SGCD: variants seen among roughly 807,000 people sequenced by gnomAD.
The protein encoded by SGCD is delta-sarcoglycan.
SGCD carries 18 observed loss-of-function variants against 36.6 expected under a neutral mutation model. The ratio of observed to expected loss-of-function variants is 0.49; its 90% confidence interval spans 0.34 to 0.73. The LOEUF is 0.73. Ranked by LOEUF, SGCD falls within the 30% of genes least tolerant of loss-of-function variation. SGCD has a pLI of 0.01. For synonymous variants in SGCD, 133 were observed against 130.6 expected (o/e 1.02, Z -0.12); for missense variants, 387 against 346.7 (o/e 1.12, Z -0.92).
In SGCD at chr5:156,275,311, C is replaced by G. The variant is rs147055878; in HGVS notation, c.-43-54223C>G. On this transcript the variant is annotated intron_variant, in intron 3 of 9. Coordinates refer to the SGCD transcript ENST00000517913. ...ACCACATGGGGTATAGAAGAAAATG[C>G]CAGGATTTCTATGTATGATGATTTT... Among the ~76,000 whole-genome samples, 367 of 152,034 alleles carry G rather than the reference C, an allele frequency of 2.4e-3. 2 individuals carry two copies. The highest frequency in any genetic ancestry group is 8.4e-3 in the African/African-American group (350 of 41,496).
At chr5:155,882,801 C>T (rs1477408651) in intron 1 of SGCD, among the ~76,000 whole-genome samples, 1 of 152,180 alleles carries the variant, frequency 6.6e-6, no homozygotes, top group African/African-American at 2.4e-5. Context: ...CCATTGGCTT[C>T]AACTTGAAGT....
At chr5:155,927,178 T>C (rs1757010271) in intron 1 of SGCD, among the ~76,000 whole-genome samples, 1 of 152,200 alleles carries the variant, frequency 6.6e-6, no homozygotes. Context: ...CTAACGGTCA[T>C]AGAGATGATT....
chr5:156,749,960 T>A (rs1757090250), intron 7 of SGCD, among the ~76,000 whole-genome samples: 1 of 149,654 alleles, frequency 6.7e-6, no homozygotes, highest in African/African-American at 2.4e-5. Context: ...CAGATGCAAA[T>A]TACCAAAAAA....
intron 1 of SGCD, among the ~76,000 whole-genome samples, chr5:155,888,744 G>A (rs1335466247): frequency 6.6e-6 from 1 of 152,232 alleles, no homozygotes; most frequent in Non-Finnish European, 1.5e-5. Context: ...TCTTGAATGA[G>A]CTCCTTAGAG....
the SGCD span, among the ~76,000 whole-genome samples, chr5:155,859,875 C>G: frequency 6.6e-6 from 1 of 152,284 alleles, no homozygotes; most frequent in Non-Finnish European, 1.5e-5. Flanking sequence ...TGAATCCTTA[C>G]CCTCCAAATC....
intron 3 of SGCD, among the ~76,000 whole-genome samples, chr5:156,389,689 T>A (rs1489262986): frequency 6.6e-6 from 1 of 152,130 alleles, no homozygotes; most frequent in Non-Finnish European, 1.5e-5. Context: ...TGTGGCCTCA[T>A]TCCTAACGGG....
At chr5:156,341,574 A>G (rs1333877715) in intron 2 of SGCD, among the ~76,000 whole-genome samples, 2 of 152,188 alleles carry the variant, frequency 1.3e-5, no homozygotes, top group African/African-American at 4.8e-5. Context: ...GTTGAGTGGC[A>G]TTATTCTAGA....
intron 3 of SGCD, among the ~76,000 whole-genome samples, chr5:156,482,141 G>A (rs746514950): frequency 7.2e-5 from 11 of 152,128 alleles, no homozygotes; most frequent in South Asian, 2.1e-4. Flanking sequence ...GAGCCAAGGC[G>A]GAACCCAAGG....
intron 3 of SGCD, among the ~76,000 whole-genome samples, chr5:156,346,954 C>A (rs1046316610): frequency 2.0e-5 from 3 of 151,844 alleles, no homozygotes; most frequent in Admixed American, 1.3e-4. Context: ...CGCACCACCA[C>A]GCCCAGCTAA....
At chr5:155,982,107 G>C (rs1758240505) in intron 1 of SGCD, among the ~76,000 whole-genome samples, 1 of 152,014 alleles carries the variant, frequency 6.6e-6, no homozygotes, top group Non-Finnish European at 1.5e-5. Context: ...TTAAATTATT[G>C]GCCTGCCTTG....
intron 7 of SGCD, among the ~76,000 whole-genome samples, chr5:156,650,221 C>T (rs1409103297): frequency 6.6e-6 from 1 of 152,170 alleles, no homozygotes; most frequent in Non-Finnish European, 1.5e-5. Flanking sequence ...ACAAGTAAAT[C>T]TCCTAAGTCC....
intron 7 of SGCD, among the ~76,000 whole-genome samples, chr5:156,711,933 C>A (rs1581442628): frequency 6.6e-6 from 1 of 152,326 alleles, no homozygotes; most frequent in Middle Eastern, 3.4e-3. Context: ...ATATGCTTAA[C>A]AAGGGGTGGA....
intron 7 of SGCD, among the ~76,000 whole-genome samples, chr5:156,691,340 G>A (rs538978698): frequency 3.7e-4 from 56 of 152,092 alleles, no homozygotes; most frequent in African/African-American, 1.3e-3. Flanking sequence ...AGGCATGCTG[G>A]CCATAGTGCG....
intron 1 of SGCD, among the ~76,000 whole-genome samples, chr5:156,072,076 C>T (rs574506157): frequency 6.6e-6 from 1 of 152,132 alleles, no homozygotes; most frequent in East Asian, 1.9e-4. Flanking sequence ...GGTCTTGACT[C>T]TTTATCCAAT....
At chr5:156,144,237 C>A (rs1443501683) in intron 3 of SGCD, among the ~76,000 whole-genome samples, 2 of 152,008 alleles carry the variant, frequency 1.3e-5, no homozygotes, top group African/African-American at 4.8e-5. Flanking sequence ...ATTTATAATC[C>A]TTTGGGTATA....
chr5:156,619,095 G>A (rs1762137412), intron 6 of SGCD, among the ~76,000 whole-genome samples: 1 of 149,936 alleles, frequency 6.7e-6, no homozygotes, highest in Non-Finnish European at 1.5e-5. Context: ...GCGCCATCTT[G>A]GCTCACTGCA....
chr5:156,651,353 C>T (rs1175001212), intron 7 of SGCD, among the ~76,000 whole-genome samples: 1 of 151,924 alleles, frequency 6.6e-6, no homozygotes, highest in Non-Finnish European at 1.5e-5. Flanking sequence ...CTTTTGAGGA[C>T]TTAGTCATAA....
the SGCD span, among the ~76,000 whole-genome samples, chr5:155,821,799 G>A: frequency 6.6e-6 from 1 of 152,108 alleles, no homozygotes; most frequent in Admixed American, 6.5e-5. Flanking sequence ...TTATATTATG[G>A]TTTTAATGCT....
chr5:156,420,229 G>T (rs1247260266), intron 3 of SGCD, among the ~76,000 whole-genome samples: 1 of 152,098 alleles, frequency 6.6e-6, no homozygotes, highest in Non-Finnish European at 1.5e-5. Context: ...CACTGATGGA[G>T]CTCTCTTTCT....
Sources: gnomAD v4.1 joint callset for allele counts (sites outside exome capture counted in the v4.1 genomes callset) on GRCh38, gnomAD v4.1.1 for gene constraint, MANE v1.5 for transcripts, NCBI Gene and HGNC (gene_info 2026-07-23, HGNC 2026-07-21) for gene names.